The following CSMD1 variants were observed in gnomAD, a reference collection of about 807,000 sequenced individuals.
The protein encoded by CSMD1 is CUB and sushi domain-containing protein 1.
CSMD1 carries 213 observed loss-of-function variants against 417.5 expected under a neutral mutation model. That is an observed-to-expected ratio of 0.51 (90% CI 0.46 to 0.57). The LOEUF (loss-of-function observed/expected upper bound fraction) is 0.57. CSMD1 is among the 20% of genes least tolerant of loss of function. The pLI is 0.00. For synonymous variants in CSMD1, 2,862 were observed against 1,736.8 expected (o/e 1.65, Z -16.11); for missense variants, 6,923 against 4,529.7 (o/e 1.53, Z -15.17).
At chr8:4,069,725 G>A (rs1005499784) in intron 3 of CSMD1, among the ~76,000 whole-genome samples, 7 of 151,998 alleles carry the variant, frequency 4.6e-5, no homozygotes, top group Non-Finnish European at 2.9e-5. Context: ...CTAAACTCTA[G>A]GCACCTTGAG....
intron 37 of CSMD1, among the ~76,000 whole-genome samples, chr8:3,165,818 G>A (rs539457639): frequency 6.6e-6 from 1 of 152,068 alleles, no homozygotes; most frequent in Non-Finnish European, 1.5e-5. Context: ...TGGAGCACAG[G>A]AGAACTCTGA....
intron 3 of CSMD1, among the ~76,000 whole-genome samples, chr8:4,356,179 G>A (rs1292586950): frequency 6.6e-6 from 1 of 152,098 alleles, no homozygotes; most frequent in Admixed American, 6.6e-5. Context: ...TAGCTTAACT[G>A]CCACAAATCA....
chr8:4,751,525 T>C (rs1811326416), intron 1 of CSMD1, among the ~76,000 whole-genome samples: 1 of 152,194 alleles, frequency 6.6e-6, no homozygotes, highest in South Asian at 2.1e-4. Context: ...TTTCTAAAGT[T>C]ATTTTATCCC....
rs1426635915 is a variant in CSMD1, at chr8:4,484,349, A to G, written c.303-64284T>C. On this transcript the variant is annotated intron_variant, in intron 2 of 69. Coordinates refer to ENST00000635120, the MANE Select transcript of CSMD1 (RefSeq NM_033225.6). ...TTTAAAAAATTTTAACATTGAGAGA[A>G]AGAGAAAGGTGGGGTTTACTTACAT... Among the ~76,000 whole-genome samples, 6 of 152,272 alleles carry G rather than the reference A, an allele frequency of 3.9e-5. No individual in the cohort carries two copies. The East Asian group carries it at 9.7e-4, about 25-fold the overall frequency.
At chr8:3,694,896 G>A (rs992534565) in intron 7 of CSMD1, among the ~76,000 whole-genome samples, 2 of 152,194 alleles carry the variant, frequency 1.3e-5, no homozygotes, top group Non-Finnish European at 2.9e-5. Flanking sequence ...CATTCTGGGT[G>A]TGAGGGGAAA....
intron 3 of CSMD1, among the ~76,000 whole-genome samples, chr8:4,039,567 G>A (rs1306583338): frequency 6.6e-6 from 1 of 152,200 alleles, no homozygotes; most frequent in African/African-American, 2.4e-5. Context: ...GGAGGTGGCA[G>A]TCATTGAATG....
chr8:3,251,890 C>T (rs1310550583), intron 26 of CSMD1, among the ~76,000 whole-genome samples: 1 of 152,144 alleles, frequency 6.6e-6, no homozygotes, highest in Non-Finnish European at 1.5e-5. Flanking sequence ...TATAAGAATG[C>T]TTGTGATTTT....
At chr8:4,201,897 G>A (rs710260) in intron 3 of CSMD1, among the ~76,000 whole-genome samples, 3 of 143,888 alleles carry the variant, frequency 2.1e-5, no homozygotes, top group Non-Finnish European at 3.0e-5. Context: ...TGGGGGGGGG[G>A]GGCGCTGCAT....
At chr8:4,120,991 G>A (rs1022552792) in intron 3 of CSMD1, among the ~76,000 whole-genome samples, 6 of 152,170 alleles carry the variant, frequency 3.9e-5, no homozygotes, top group East Asian at 1.9e-4. Flanking sequence ...CATGAAACAT[G>A]AACCTTTTGA....
rs538593392 is a variant in CSMD1, at chr8:4,843,100, G to C, written c.85+151232C>G. ...AAATATAACCAGACTCATTTGTTAG[G>C]ATGTGCGAATTGAGAGTCGAGGAAA... On this transcript the variant is annotated intron_variant, in intron 1 of 69. Coordinates refer to ENST00000635120, the MANE Select transcript of CSMD1 (RefSeq NM_033225.6). Among the ~76,000 whole-genome samples the C allele has an allele frequency of 1.1e-4, 16 of 152,284 alleles. No homozygotes were observed. The East Asian group carries it at 3.1e-3, about 29-fold the overall frequency.
intron 3 of CSMD1, among the ~76,000 whole-genome samples, chr8:4,283,903 T>C (rs546096965): frequency 6.6e-6 from 1 of 152,318 alleles, no homozygotes; most frequent in Admixed American, 6.5e-5. Flanking sequence ...TACATTTTCA[T>C]CCTAGAATGT....
intron 1 of CSMD1, among the ~76,000 whole-genome samples, chr8:4,830,062 G>A (rs117114017): frequency 0.011 from 1,688 of 152,222 alleles, 10 homozygotes; most frequent in Middle Eastern, 0.031. Flanking sequence ...ACCTGTGCAC[G>A]TCCTGCCTAG....
rs539012310 is a variant in CSMD1 at position 3,808,712 on chromosome 8, G to A, written c.819-54670C>T. On this transcript the variant is annotated intron_variant, in intron 5 of 69. Transcript: ENST00000635120. ...TGGCACTCTAGAAGTTCCCACTTGCGTAAACTTTCAACTCTCTCTCTTTCC... is the reference window on the plus strand; with the variant it reads ...TGGCACTCTAGAAGTTCCCACTTGCATAAACTTTCAACTCTCTCTCTTTCC... Among the ~76,000 whole-genome samples the A allele has an allele frequency of 2.9e-3, 445 of 152,262 alleles. 4 individuals carry two copies. The highest frequency in any genetic ancestry group is 2.5e-3 in the Non-Finnish European group (171 of 68,006).
intron 52 of CSMD1, among the ~76,000 whole-genome samples, chr8:3,003,327 A>C (rs1264036217): frequency 6.6e-6 from 1 of 152,156 alleles, no homozygotes; most frequent in Admixed American, 6.5e-5. Flanking sequence ...TATGTGAGTT[A>C]CCTTTTCTTT....
At chr8:3,283,389 G>C (rs1391441052) in intron 26 of CSMD1, among the ~76,000 whole-genome samples, 1 of 152,076 alleles carries the variant, frequency 6.6e-6, no homozygotes, top group African/African-American at 2.4e-5. Context: ...CACCTGTCTT[G>C]CATCCAAGTC....
At chr8:4,503,699 G>T in intron 2 of CSMD1, among the ~76,000 whole-genome samples, 1 of 152,076 alleles carries the variant, frequency 6.6e-6, no homozygotes, top group East Asian at 1.9e-4. Context: ...CTCGTCTAAT[G>T]AACAAGTGGG....
At chr8:4,479,978 A>T (rs905349021) in intron 2 of CSMD1, among the ~76,000 whole-genome samples, 5 of 147,824 alleles carry the variant, frequency 3.4e-5, no homozygotes, top group Admixed American at 1.3e-4. Flanking sequence ...AAAAAAAAAA[A>T]AATAAAAAGT....
chr8:4,747,609 T>G (rs1811040639), intron 1 of CSMD1, among the ~76,000 whole-genome samples: 1 of 152,208 alleles, frequency 6.6e-6, no homozygotes, highest in Non-Finnish European at 1.5e-5. Flanking sequence ...TGCTTCTCTC[T>G]TTATTCTGGA....
At chr8:3,639,748 C>G (rs1326139962) in intron 7 of CSMD1, among the ~76,000 whole-genome samples, 1 of 152,156 alleles carries the variant, frequency 6.6e-6, no homozygotes, top group Non-Finnish European at 1.5e-5. Context: ...CATTTATTCA[C>G]TAATATATAC....
Sources: gnomAD v4.1 joint callset for allele counts (sites outside exome capture counted in the v4.1 genomes callset) on GRCh38, gnomAD v4.1.1 for gene constraint, MANE v1.5 for transcripts, NCBI Gene and HGNC (gene_info 2026-07-23, HGNC 2026-07-21) for gene names.